Variants in AJAP1 observed in about 807,000 individuals in gnomAD.
AJAP1 encodes the protein adherens junction-associated protein 1.
Under a neutral mutation model 35.0 loss-of-function variants are expected in AJAP1, and 5 were observed. The ratio of observed to expected loss-of-function variants is 0.14; its 90% CI spans 0.07 to 0.30. The LOEUF is 0.30. AJAP1 is among the 10% of genes least tolerant of loss of function. AJAP1 has a pLI of 1.00. For missense variants in AJAP1, 586 were observed against 571.0 expected (o/e 1.03, Z -0.27); for synonymous variants, 284 against 249.3 (o/e 1.14, Z -1.31).
chr1:4,761,258 G>T (rs1167745116), intron 2 of AJAP1, among the ~76,000 whole-genome samples: 1 of 152,240 alleles, frequency 6.6e-6, no homozygotes, highest in African/African-American at 2.4e-5. Context: ...CCCTGAGAAG[G>T]AAAGGTGGAT....
At chr1:4,678,621 G>C (rs1639410587) in intron 1 of AJAP1, among the ~76,000 whole-genome samples, 1 of 152,206 alleles carries the variant, frequency 6.6e-6, no homozygotes, top group African/African-American at 2.4e-5. Context: ...ACCCTAGCGA[G>C]ATGGATGTTA....
In AJAP1 at chr1:4,779,928, T is replaced by C. The variant is rs151043300; in HGVS notation, c.*60-2617T>C. ...GGGAGGCTGAGGCCGGCGGATCACC[T>C]GAAGTCAGGAGTTTGAGACCAGTCT... On this transcript the variant is annotated intron_variant, in intron 5 of 5. Transcript: ENST00000378191. Among the ~76,000 whole-genome samples the C allele has an allele frequency of 8.6e-3, 1,305 of 152,178 alleles. 18 individuals carry two copies. The highest frequency in any genetic ancestry group is 0.03 in the African/African-American group (1,235 of 41,518).
chr1:4,709,244 G>A (rs1341040101), intron 1 of AJAP1, among the ~76,000 whole-genome samples: 1 of 144,664 alleles, frequency 6.9e-6, no homozygotes, highest in Non-Finnish European at 1.5e-5. Flanking sequence ...GGGGCCTGGT[G>A]GGGGCCGGTG....
intron 1 of AJAP1, among the ~76,000 whole-genome samples, chr1:4,657,047 C>T (rs573901866): frequency 3.3e-5 from 5 of 152,290 alleles, no homozygotes; most frequent in Admixed American, 6.5e-5. Context: ...TCTTCAGCTC[C>T]GACCTGCTTC....
intron 2 of AJAP1, among the ~76,000 whole-genome samples, chr1:4,766,800 G>A (rs907135146): frequency 2.2e-4 from 34 of 152,232 alleles, no homozygotes; most frequent in Admixed American, 8.5e-4. Context: ...AGAGAATTGC[G>A]TTTGTCCAGG....
intron 1 of AJAP1, among the ~76,000 whole-genome samples, chr1:4,709,188 A>G (rs932632587): frequency 8.2e-6 from 1 of 121,512 alleles, no homozygotes; most frequent in South Asian, 2.8e-4. Context: ...TTTGCTTGTC[A>G]TGGCTTTTGA....
intron 2 of AJAP1, among the ~76,000 whole-genome samples, chr1:4,725,482 T>C (rs890361004): frequency 1.3e-5 from 2 of 152,084 alleles, no homozygotes; most frequent in Non-Finnish European, 2.9e-5. Context: ...GTTTAATGAA[T>C]AGGTAGACTC....
At chr1:4,747,036 C>T (rs1641203857) in intron 2 of AJAP1, among the ~76,000 whole-genome samples, 1 of 152,232 alleles carries the variant, frequency 6.6e-6, no homozygotes, top group Admixed American at 6.5e-5. Flanking sequence ...GTGAGGTCAC[C>T]TGTGGGAGAA....
At chr1:4,753,783 G>T (rs1188557030) in intron 2 of AJAP1, among the ~76,000 whole-genome samples, 3 of 152,176 alleles carry the variant, frequency 2.0e-5, no homozygotes, top group African/African-American at 7.2e-5. Context: ...TGTTGGAGAG[G>T]CTGGTCTCGA....
Position 4,785,204 on chromosome 1 carries a change from G to T in AJAP1, c.*2719G>T. Reference sequence around the variant, plus strand: ...AAGACATCGAGCCTTGGAAGGAAGCGTAATGCAACAACCCTCTTGTCCCCG... The same window carrying T: ...AAGACATCGAGCCTTGGAAGGAAGCTTAATGCAACAACCCTCTTGTCCCCG... On this transcript the variant is annotated 3_prime_UTR_variant, in exon 6 of 6. Transcript: ENST00000378191. 6.6e-6 allele frequency: 1 copy of T among 152,196 alleles called. No homozygotes were observed. The highest frequency in any genetic ancestry group is 1.9e-4 in the East Asian group (1 of 5,200). The allele number at this position is 152,196 out of a possible 1,614,324, so 9.4% of individuals were successfully genotyped here. A position where few individuals can be genotyped will look rare whatever the true frequency, so the allele number is the denominator to read the frequency against.
At chr1:4,760,772 G>T (rs1641547324) in intron 2 of AJAP1, among the ~76,000 whole-genome samples, 1 of 152,232 alleles carries the variant, frequency 6.6e-6, no homozygotes, top group Admixed American at 6.5e-5. Flanking sequence ...GAATATGCAG[G>T]CTTGGCCTTC....
chr1:4,716,381 C>T (rs1184371871), intron 2 of AJAP1, among the ~76,000 whole-genome samples: 1 of 152,182 alleles, frequency 6.6e-6, no homozygotes, highest in Non-Finnish European at 1.5e-5. Flanking sequence ...ATAGAGTTAA[C>T]CATCTCATAA....
intron 2 of AJAP1, among the ~76,000 whole-genome samples, chr1:4,764,204 G>A (rs1444320011): frequency 6.6e-6 from 1 of 152,130 alleles, no homozygotes; most frequent in Non-Finnish European, 1.5e-5. Flanking sequence ...TTGTTTCTCT[G>A]GAGAACCCTG....
chr1:4,748,387 G>C (rs1641241300), intron 2 of AJAP1, among the ~76,000 whole-genome samples: 1 of 152,170 alleles, frequency 6.6e-6, no homozygotes, highest in Non-Finnish European at 1.5e-5. Context: ...GCACCTGCAA[G>C]GGGGAGGCAC....
intron 2 of AJAP1, among the ~76,000 whole-genome samples, chr1:4,714,929 G>A (rs867306660): frequency 1.3e-5 from 2 of 152,148 alleles, no homozygotes; most frequent in Admixed American, 6.5e-5. Context: ...AACAATTTAG[G>A]TTACACACTG....
chr1:4,739,085 G>T (rs1204861858), intron 2 of AJAP1, among the ~76,000 whole-genome samples: 7 of 152,172 alleles, frequency 4.6e-5, no homozygotes, highest in South Asian at 4.1e-4. Context: ...CGGAATTCTT[G>T]GTGAGACTCC....
Position 4,786,024 on chromosome 1 carries a change from T to A in AJAP1, c.*3539T>A, listed in dbSNP as rs79642361. Reference sequence around the variant, plus strand: ...ACTTTGTCTGATTGGAATATGCGTGTCATTGCTCTTGTTTCCGAGTTTGGC... The same window carrying A: ...ACTTTGTCTGATTGGAATATGCGTGACATTGCTCTTGTTTCCGAGTTTGGC... On this transcript the variant is annotated 3_prime_UTR_variant, in exon 6 of 6. Transcript: ENST00000378191. The A allele has an allele frequency of 0.057, 8,618 of 152,290 alleles. 325 individuals are homozygous for A. Among genetic ancestry groups the A allele is most frequent in the Non-Finnish European group, 0.083 (5,617 of 68,040 alleles). 9.4% of individuals were successfully genotyped at this position (152,290 alleles called of 1,614,324 possible). A position where few individuals can be genotyped will look rare whatever the true frequency, so the allele number is the denominator to read the frequency against.
rs2100389304 is a variant in AJAP1, at chr1:4,791,866, T to G, written c.*9381T>G. On this transcript the variant is annotated 3_prime_UTR_variant, in exon 6 of 6. Transcript: ENST00000378191. Reference sequence around the variant, plus strand: ...TTCACCAGGTCTCATTGCATTTATTTAAAGATGGAGCCCATTGTCCCCCCT... The same window carrying G: ...TTCACCAGGTCTCATTGCATTTATTGAAAGATGGAGCCCATTGTCCCCCCT... The G allele has an allele frequency of 7.0e-6, 1 of 143,430 alleles. No individual in the cohort carries two copies. The highest frequency in any genetic ancestry group is 1.9e-4 in the East Asian group (1 of 5,176). The allele number at this position is 143,430 out of a possible 1,614,324, so 8.9% of individuals were successfully genotyped here. A position where few individuals can be genotyped will look rare whatever the true frequency, so the allele number is the denominator to read the frequency against.
chr1:4,773,160 A>G (rs1389040779), intron 4 of AJAP1, among the ~76,000 whole-genome samples: 1 of 152,176 alleles, frequency 6.6e-6, no homozygotes, highest in Non-Finnish European at 1.5e-5. Flanking sequence ...GTGAGCATAC[A>G]TTTATGCATC....
Sources: allele counts gnomAD v4.1 joint callset (sites outside exome capture counted in the v4.1 genomes callset), GRCh38; gene constraint gnomAD v4.1.1; transcripts MANE v1.5; gene names NCBI Gene and HGNC (gene_info 2026-07-23, HGNC 2026-07-21).